Variants in AGPAT3 observed in about 807,000 individuals in gnomAD.
AGPAT3 encodes 1-acyl-sn-glycerol-3-phosphate acyltransferase gamma.
A neutral mutation model predicts 47.3 loss-of-function variants in AGPAT3; 5 were observed. The ratio of observed to expected loss-of-function variants is 0.11; its 90% CI spans 0.06 to 0.22. AGPAT3 has a LOEUF of 0.22. AGPAT3 is among the 10% of genes least tolerant of loss of function. AGPAT3 has a pLI of 1.00. For missense variants in AGPAT3, 315 were observed against 493.0 expected (o/e 0.64, Z 3.42); for synonymous variants, 212 against 208.3 (o/e 1.02, Z -0.15).
At chr21:43,878,770 T>C (rs931907192) in intron 1 of AGPAT3, among the ~76,000 whole-genome samples, 5 of 151,584 alleles carry the variant, frequency 3.3e-5, no homozygotes, top group African/African-American at 1.2e-4. Flanking sequence ...AGTTTTACTC[T>C]GTTGCCCAGA....
At chr21:43,978,972 C>A (rs2838460) in intron 8 of AGPAT3, among the ~76,000 whole-genome samples, 32,307 of 151,996 alleles carry the variant, frequency 0.21, 3,492 homozygotes, top group Admixed American at 0.29. Flanking sequence ...TAAAAAATAT[C>A]ATCGTAAATG....
At chr21:43,948,337 C>T (rs1250146951) in intron 2 of AGPAT3, 2 of 152,238 alleles carry the variant, frequency 1.3e-5, no homozygotes, top group African/African-American at 2.4e-5. Context: ...AAGGTGATGA[C>T]CAGAGGTATT....
chr21:43,917,841 T>TGGGG (rs1319852909), intron 2 of AGPAT3, among the ~76,000 whole-genome samples: 1 of 107,138 alleles, frequency 9.3e-6, no homozygotes, highest in African/African-American at 3.7e-5. Flanking sequence ...GTGGGTGTTG[T>TGGGG]GTTGTGGGTG....
intron 2 of AGPAT3, among the ~76,000 whole-genome samples, chr21:43,936,992 T>A (rs2087470754): frequency 6.6e-6 from 1 of 152,272 alleles, no homozygotes; most frequent in Admixed American, 6.5e-5. Flanking sequence ...CCCAAGTATT[T>A]TTCTCTAATA....
At chr21:43,948,709 C>G (rs916719218) in intron 2 of AGPAT3, among the ~76,000 whole-genome samples, 3 of 152,208 alleles carry the variant, frequency 2.0e-5, no homozygotes, top group African/African-American at 7.2e-5. Context: ...CTAAAAGATT[C>G]TCATGAACCT....
At chr21:43,884,676 T>G (rs1202113375) in intron 1 of AGPAT3, among the ~76,000 whole-genome samples, 1 of 151,178 alleles carries the variant, frequency 6.6e-6, no homozygotes, top group Non-Finnish European at 1.5e-5. Flanking sequence ...TGGTGCTGGA[T>G]GCTGGGTGGC....
At chr21:43,963,820 A>T (rs1319290465) in intron 3 of AGPAT3, among the ~76,000 whole-genome samples, 2 of 152,068 alleles carry the variant, frequency 1.3e-5, no homozygotes, top group African/African-American at 4.8e-5. Context: ...TTCTTACGGC[A>T]GGCAGCAGTG....
At chr21:43,904,575 C>T (rs986982697) in intron 2 of AGPAT3, among the ~76,000 whole-genome samples, 3 of 152,132 alleles carry the variant, frequency 2.0e-5, no homozygotes, top group Non-Finnish European at 4.4e-5. Context: ...TCCTGGGGGA[C>T]GCGCTCCTCA....
Position 43,932,754 on chromosome 21 carries a change from G to A in AGPAT3, c.-48-26880G>A, listed in dbSNP as rs1439827074. 5.9e-5 allele frequency among the ~76,000 whole-genome samples: 9 copies of A among 152,224 alleles called. No individual in the cohort carries two copies. The highest frequency in any genetic ancestry group is 1.9e-4 in the East Asian group (1 of 5,196). On this transcript the variant is annotated intron_variant, in intron 2 of 9. Transcript: ENST00000291572. This position sits in a 1 kb window ranked among gnomAD's most constrained non-coding sequence, Gnocchi z 5.2. ...CAAGCTCCGCCTCTTGGGTTCAAGCGATTCTTTTGCTTCAGCCTCCCGAGT... is the reference window on the plus strand; with the variant it reads ...CAAGCTCCGCCTCTTGGGTTCAAGCAATTCTTTTGCTTCAGCCTCCCGAGT...
chr21:43,933,782 G>A lies in AGPAT3; in HGVS notation c.-48-25852G>A, dbSNP rs949591023. 3.3e-5 allele frequency among the ~76,000 whole-genome samples: 5 copies of A among 152,154 alleles called. No homozygotes were observed. The highest frequency in any genetic ancestry group is 3.3e-4 in the Admixed American group (5 of 15,280). ...AGAGGCCCCGGCGGCCTCCATCCAA[G>A]CACAGGCCCAAGCACCAGCTGCAAG... On this transcript the variant is annotated intron_variant, in intron 2 of 9. Transcript: ENST00000291572. This position sits in a 1 kb window ranked among gnomAD's most constrained non-coding sequence, Gnocchi z 6.0.
intron 2 of AGPAT3, among the ~76,000 whole-genome samples, chr21:43,945,952 G>C (rs2087866639): frequency 1.3e-5 from 2 of 152,132 alleles, no homozygotes; most frequent in Non-Finnish European, 2.9e-5. Context: ...GGAGAAGCCA[G>C]CAGGAGGGTG....
In AGPAT3 at chr21:43,933,018, T is replaced by A. The variant is rs1279539537; in HGVS notation, c.-48-26616T>A. ...GTGTAGTGGCCACACTGATTGACGCTCTCTCTCCCTCACAGCGTGCCAGGT... is the reference window on the plus strand; with the variant it reads ...GTGTAGTGGCCACACTGATTGACGCACTCTCTCCCTCACAGCGTGCCAGGT... On this transcript the variant is annotated intron_variant, in intron 2 of 9. Coordinates refer to ENST00000291572, the MANE Select transcript of AGPAT3 (RefSeq NM_020132.5). This position sits in a 1 kb window ranked among gnomAD's most constrained non-coding sequence, Gnocchi z 6.0. Among the ~76,000 whole-genome samples, 1 of 152,202 alleles carries A rather than the reference T, an allele frequency of 6.6e-6. No homozygotes were observed. Among genetic ancestry groups the A allele is most frequent in the East Asian group, 1.9e-4 (1 of 5,204 alleles).
intron 2 of AGPAT3, among the ~76,000 whole-genome samples, chr21:43,906,462 T>C (rs1470062335): frequency 6.6e-6 from 1 of 152,122 alleles, no homozygotes; most frequent in Non-Finnish European, 1.5e-5. Context: ...CAATTGGTTA[T>C]CAGAGAAACG....
At chr21:43,965,255 C>A (rs776135136) in intron 3 of AGPAT3, 1 of 152,140 alleles carries the variant, frequency 6.6e-6, no homozygotes, top group Admixed American at 6.6e-5. Context: ...CCCTGAACCA[C>A]GGTTTTATTT....
intron 3 of AGPAT3, among the ~76,000 whole-genome samples, chr21:43,964,508 G>A (rs1192361814): frequency 6.6e-6 from 1 of 151,962 alleles, no homozygotes; most frequent in Admixed American, 6.6e-5. Flanking sequence ...GATTTTAATG[G>A]TAACTTTGTT....
At chr21:43,928,017 C>A (rs2087113915) in intron 2 of AGPAT3, among the ~76,000 whole-genome samples, 1 of 152,194 alleles carries the variant, frequency 6.6e-6, no homozygotes, top group African/African-American at 2.4e-5. Flanking sequence ...AGGAGCTGGG[C>A]CTGTTGCATC....
At chr21:43,944,238 G>A (rs1015347705) in intron 2 of AGPAT3, among the ~76,000 whole-genome samples, 1 of 152,352 alleles carries the variant, frequency 6.6e-6, no homozygotes, top group African/African-American at 2.4e-5. Context: ...CCCGGCCCTC[G>A]CCACTCTGGA....
intron 2 of AGPAT3, among the ~76,000 whole-genome samples, chr21:43,943,245 T>G (rs963299607): frequency 2.6e-5 from 4 of 152,038 alleles, no homozygotes; most frequent in Non-Finnish European, 5.9e-5. Flanking sequence ...CGGCTAATTT[T>G]TTGTATTTTT....
chr21:43,887,554 CA>C (rs1248801588), intron 1 of AGPAT3, among the ~76,000 whole-genome samples: 1 of 152,242 alleles, frequency 6.6e-6, no homozygotes, highest in African/African-American at 2.4e-5. Flanking sequence ...AAGTAATGCT[CA>C]GGTGGTTGAG....
Sources: allele counts gnomAD v4.1 joint callset (sites outside exome capture counted in the v4.1 genomes callset), GRCh38; gene constraint gnomAD v4.1.1; non-coding constraint Gnocchi (gnomAD v3.1); transcripts MANE v1.5; gene names NCBI Gene and HGNC (gene_info 2026-07-23, HGNC 2026-07-21).